Variants in CRYZL1 observed in about 807,000 individuals in gnomAD.
CRYZL1 encodes ferry endosomal RAB5 effector complex subunit 4.
A neutral mutation model predicts 50.6 loss-of-function variants in CRYZL1; 34 were observed. The ratio of observed to expected loss-of-function variants is 0.67; its 90% CI spans 0.51 to 0.89. The LOEUF is 0.89. Among genes scored for constraint, CRYZL1 ranks in the 40% least tolerant of loss-of-function variants. The pLI is 0.00. For synonymous variants in CRYZL1, 125 were observed against 134.3 expected (o/e 0.93, Z 0.48); for missense variants, 354 against 402.3 (o/e 0.88, Z 1.03).
intron 3 of CRYZL1, 109 bp from the exon 4 acceptor site, chr21:33,622,177 G>T: frequency 2.3e-6 from 2 of 853,442 alleles, no homozygotes; most frequent in Non-Finnish European, 3.7e-6. Flanking sequence ...GAGCAAATAT[G>T]GTTCAAGTTT....
chr21:33,620,589 T>C (rs2086983621), intron 4 of CRYZL1, among the ~76,000 whole-genome samples: 1 of 150,362 alleles, frequency 6.7e-6, no homozygotes. Flanking sequence ...TGTGGGCAGA[T>C]CACTTGAGGT....
intron 1 of CRYZL1, among the ~76,000 whole-genome samples, chr21:33,633,377 T>C (rs1031187715): frequency 3.3e-5 from 5 of 152,192 alleles, no homozygotes; most frequent in Admixed American, 3.3e-4. Context: ...AATGGTTTCC[T>C]ACTGAGCTGC....
chr21:33,617,801 C>T (rs1311984591), intron 4 of CRYZL1, among the ~76,000 whole-genome samples: 1 of 152,262 alleles, frequency 6.6e-6, no homozygotes, highest in Middle Eastern at 3.4e-3. Flanking sequence ...GATCTTTAAC[C>T]AGGCCCAGGG....
At chr21:33,622,672 TGTA>T (rs1177486329) in intron 3 of CRYZL1, among the ~76,000 whole-genome samples, 6 of 152,208 alleles carry the variant, frequency 3.9e-5, no homozygotes, top group Non-Finnish European at 8.8e-5. Context: ...CCAAATTAAC[TGTA>T]AGTACTTGTC....
intron 5 of CRYZL1, 85 bp from the exon 6 acceptor site, chr21:33,613,691 A>G (rs2145937721): frequency 3.9e-6 from 4 of 1,019,958 alleles, no homozygotes; most frequent in South Asian, 2.7e-5. Flanking sequence ...AATTTTGTTC[A>G]GTGAAATTTT....
At position 33,621,991 on chromosome 21, in the gene CRYZL1, C is replaced by T. The variant is rs775046355; in HGVS notation, c.217+5G>A. 1.9e-6 allele frequency: 3 copies of T among 1,588,974 alleles called. No homozygotes were observed. The highest frequency in any genetic ancestry group is 2.6e-6 in the Non-Finnish European group (3 of 1,157,522). On this transcript the variant is annotated splice_donor_5th_base_variant and intron_variant, in intron 4 of 12. Coordinates refer to ENST00000381554, the MANE Select transcript of CRYZL1 (RefSeq NM_145858.3). ...AAATACATATACTCACATCTGTATA[C>T]TTACCATCTAATACAATTCCAGCAA... is the stretch of plus-strand genomic sequence containing the variant.
chr21:33,596,132 G>A, intron 10 of CRYZL1: 1 of 567,598 alleles, frequency 1.8e-6, no homozygotes, highest in Non-Finnish European at 3.4e-6. Flanking sequence ...TGGAAAATCA[G>A]TGAAGATTGG....
At chr21:33,633,981 G>A (rs976609949) in intron 1 of CRYZL1, among the ~76,000 whole-genome samples, 1 of 152,230 alleles carries the variant, frequency 6.6e-6, no homozygotes, top group Admixed American at 6.5e-5. Flanking sequence ...TTTTTACAGA[G>A]TGTAGTTGAG....
Position 33,591,205 on chromosome 21 carries a change from T to C in CRYZL1, c.907A>G (p.Ile303Val). 1 of 1,609,548 alleles carries C rather than the reference T, an allele frequency of 6.2e-7. No homozygotes were observed. The highest frequency in any genetic ancestry group is 2.2e-5 in the East Asian group (1 of 44,856). The change falls in exon 12 of 13, where the codon ATC becomes GTC. Residue 303 changes from isoleucine (I) to valine (V), a missense_variant and splice_region_variant. Transcript: ENST00000381554. ...AACTTCTCCATCACATCCTTTAAGA[T>C]ACGTAGCTGGAAGGATTGTTAAGGT... ...SNVQQGKYLC[I>V]LKDVMEKLST... is the part of the protein sequence containing the mutation.
At chr21:33,600,130 G>A (rs2086736096) in intron 8 of CRYZL1, among the ~76,000 whole-genome samples, 1 of 152,000 alleles carries the variant, frequency 6.6e-6, no homozygotes, top group African/African-American at 2.4e-5. Context: ...TGTCAGCTGG[G>A]GACAGTCTGT....
At chr21:33,603,370 T>C in intron 7 of CRYZL1, 34 bp downstream of exon 7, 2 of 1,608,718 alleles carry the variant, frequency 1.2e-6, no homozygotes, top group South Asian at 1.1e-5. Context: ...TACTGTATGC[T>C]TGTCTGTTTC....
At position 33,604,553 on chromosome 21, in the gene CRYZL1, T is replaced by C. The variant is rs575008656; in HGVS notation, c.332-1016A>G. 4.0e-5 allele frequency among the ~76,000 whole-genome samples: 6 copies of C among 151,468 alleles called. 1 individual carries two copies. Among genetic ancestry groups the C allele is most frequent in the Non-Finnish European group, 5.9e-5 (4 of 67,878 alleles). On this transcript the variant is annotated intron_variant, in intron 6 of 12. Transcript: ENST00000381554. Reference sequence around the variant, plus strand: ...CAAAAAAAAAAAAAAAAAAATTTCATATTGCCAAGGCTTTAAACTTTATCT... The same window carrying C: ...CAAAAAAAAAAAAAAAAAAATTTCACATTGCCAAGGCTTTAAACTTTATCT...
chr21:33,591,157 C>G lies in CRYZL1; in HGVS notation c.950+5G>C, dbSNP rs763068430. The G allele has an allele frequency of 6.3e-7, 1 of 1,599,446 alleles. No homozygotes were observed. The highest frequency in any genetic ancestry group is 1.7e-5 in the Admixed American group (1 of 60,006). ...AAGAACAATGATTTGGTTACTTTAG[C>G]GTACCTGAAAACACCAGTTGATAAC... On this transcript the variant is annotated splice_donor_5th_base_variant and intron_variant, in intron 12 of 12. Transcript: ENST00000381554.
At chr21:33,618,869 T>C (rs2145944519) in intron 4 of CRYZL1, among the ~76,000 whole-genome samples, 1 of 152,314 alleles carries the variant, frequency 6.6e-6, no homozygotes, top group Middle Eastern at 3.4e-3. Flanking sequence ...AAACAGTGCA[T>C]TCCAAAGGGT....
chr21:33,639,153 A>G (rs1344407154), intron 1 of CRYZL1, among the ~76,000 whole-genome samples: 1 of 152,162 alleles, frequency 6.6e-6, no homozygotes, highest in Non-Finnish European at 1.5e-5. Flanking sequence ...CCCCACCTCC[A>G]TGAGGGATTT....
chr21:33,641,314 A>G, intron 1 of CRYZL1: 3 of 1,545,328 alleles, frequency 1.9e-6, no homozygotes, highest in Non-Finnish European at 2.6e-6. Context: ...GGCTGAGAAG[A>G]AGTAACAGAG....
intron 10 of CRYZL1, 22 bp downstream of exon 10, chr21:33,597,258 G>C: frequency 6.2e-7 from 1 of 1,611,272 alleles, no homozygotes; most frequent in Non-Finnish European, 8.5e-7. Flanking sequence ...TAATGGTAAC[G>C]CTTTATGGTT....
At chr21:33,618,155 G>C (rs1472009312) in intron 4 of CRYZL1, among the ~76,000 whole-genome samples, 1 of 152,078 alleles carries the variant, frequency 6.6e-6, no homozygotes, top group Non-Finnish European at 1.5e-5. Flanking sequence ...CGGGCGTGGT[G>C]GTGGGTGCCT....
intron 4 of CRYZL1, chr21:33,617,191 T>G (rs1041398068): frequency 2.1e-4 from 32 of 154,004 alleles, no homozygotes; most frequent in Non-Finnish European, 3.3e-4. Flanking sequence ...TAATTTTGTA[T>G]TTTTAGTAGA....
Sources: allele counts gnomAD v4.1 joint callset (sites outside exome capture counted in the v4.1 genomes callset), GRCh38; gene constraint gnomAD v4.1.1; transcripts MANE v1.5; gene names NCBI Gene and HGNC (gene_info 2026-07-23, HGNC 2026-07-21).